Variants in RIN2 observed in about 807,000 individuals in gnomAD.
The protein encoded by RIN2 is Ras and Rab interactor 2.
A neutral mutation model predicts 78.0 loss-of-function variants in RIN2; 36 were observed. The ratio of observed to expected loss-of-function variants is 0.46; its 90% CI spans 0.35 to 0.61. RIN2 has a LOEUF of 0.61. RIN2 is among the 20% of genes least tolerant of loss of function. The pLI, the probability that RIN2 is intolerant of heterozygous loss-of-function variation, is 0.00. For missense variants in RIN2, 1,087 were observed against 1,159.7 expected (o/e 0.94, Z 0.91); for synonymous variants, 466 against 466.8 (o/e 1.00, Z 0.02).
intron 8 of RIN2, among the ~76,000 whole-genome samples, chr20:19,973,288 T>G (rs1000810054): frequency 1.3e-5 from 2 of 152,194 alleles, no homozygotes; most frequent in Non-Finnish European, 2.9e-5. Flanking sequence ...CACCTGTGGC[T>G]GTTGGCTTTC....
At chr20:19,764,943 T>TTTTTTTTTTTTTCA (rs10686760) in intron 1 of RIN2, among the ~76,000 whole-genome samples, 1 of 132,704 alleles carries the variant, frequency 7.5e-6, no homozygotes. Context: ...TTTTTTTTTT[T>TTTTTTTTTTTTTCA]GACAGAGTCT....
chr20:19,912,880 G>A (rs2039535258), intron 3 of RIN2, among the ~76,000 whole-genome samples: 1 of 152,222 alleles, frequency 6.6e-6, no homozygotes, highest in Non-Finnish European at 1.5e-5. Context: ...CCGGGGTGTG[G>A]GAAAGGCACA....
intron 2 of RIN2, among the ~76,000 whole-genome samples, chr20:19,883,179 C>T (rs1254617972): frequency 6.6e-6 from 1 of 152,072 alleles, no homozygotes; most frequent in Admixed American, 6.5e-5. Flanking sequence ...CCTGGGCCAC[C>T]GGTGCAGGAG....
At chr20:19,886,616 T>TC in intron 2 of RIN2, 1 of 610,192 alleles carries the variant, frequency 1.6e-6, no homozygotes, top group South Asian at 2.5e-5. Context: ...CTTCTTCTTT[T>TC]TTTTTTTTTT....
At chr20:19,931,849 C>A (rs12106227) in intron 3 of RIN2, among the ~76,000 whole-genome samples, 12,128 of 151,954 alleles carry the variant, frequency 0.08, 754 homozygotes, top group African/African-American at 0.17. Flanking sequence ...CCATTCTCCT[C>A]TTAATGAACC....
chr20:19,906,712 T>C (rs1037227501), intron 3 of RIN2, among the ~76,000 whole-genome samples: 2 of 152,208 alleles, frequency 1.3e-5, no homozygotes, highest in African/African-American at 4.8e-5. Context: ...GCTGGAAACC[T>C]GAATTTTTTT....
intron 2 of RIN2, among the ~76,000 whole-genome samples, chr20:19,853,600 T>C (rs1430460434): frequency 6.6e-6 from 1 of 151,742 alleles, no homozygotes; most frequent in East Asian, 1.9e-4. Flanking sequence ...TGGTATCTCA[T>C]TGTGGTTTTG....
chr20:19,977,318 G>A (rs1020819014), intron 9 of RIN2, among the ~76,000 whole-genome samples: 7 of 152,106 alleles, frequency 4.6e-5, no homozygotes, highest in Non-Finnish European at 7.4e-5. Context: ...AGTTAGTCCC[G>A]GGAAGCTCTT....
Position 19,881,713 on chromosome 20 carries a change from G to A in RIN2, c.-36-7853G>A, listed in dbSNP as rs116615033. ...CTCTTTAGCCTCCTGAGTAGCAGCTGGAATTACAGGCATGCACCACCACAC... is the reference window on the plus strand; with the variant it reads ...CTCTTTAGCCTCCTGAGTAGCAGCTAGAATTACAGGCATGCACCACCACAC... On this transcript the variant is annotated intron_variant, in intron 2 of 12. Coordinates refer to ENST00000255006, the MANE Select transcript of RIN2 (RefSeq NM_018993.4). Among the ~76,000 whole-genome samples the A allele has an allele frequency of 3.3e-3, 502 of 152,206 alleles. 3 individuals carry two copies. Among genetic ancestry groups the A allele is most frequent in the African/African-American group, 0.011 (453 of 41,534 alleles).
intron 1 of RIN2, among the ~76,000 whole-genome samples, chr20:19,770,879 C>T (rs965988517): frequency 7.1e-6 from 1 of 140,460 alleles, no homozygotes; most frequent in South Asian, 2.6e-4. Context: ...CCCCACCCCC[C>T]CCCCCCACCT....
At chr20:19,930,678 T>A (rs1466761810) in intron 3 of RIN2, among the ~76,000 whole-genome samples, 1 of 152,126 alleles carries the variant, frequency 6.6e-6, no homozygotes, top group African/African-American at 2.4e-5. Flanking sequence ...GTGGCTCTCC[T>A]GTTTGGGGCC....
chr20:19,965,046 T>C, intron 7 of RIN2, 22 bp downstream of exon 7: 2 of 1,590,790 alleles, frequency 1.3e-6, no homozygotes, highest in African/African-American at 1.3e-5. Flanking sequence ...TCCTCTCATA[T>C]GGTTTCAAGG....
chr20:19,810,978 T>C (rs969814974), intron 2 of RIN2, among the ~76,000 whole-genome samples: 1 of 151,784 alleles, frequency 6.6e-6, no homozygotes, highest in African/African-American at 2.4e-5. Flanking sequence ...CCCAAAGTGC[T>C]GGGATTACAG....
At chr20:19,805,750 G>A (rs1704289354) in intron 2 of RIN2, among the ~76,000 whole-genome samples, 1 of 151,936 alleles carries the variant, frequency 6.6e-6, no homozygotes, top group African/African-American at 2.4e-5. Flanking sequence ...TTAAGTTCTG[G>A]GGTACATGTG....
At chr20:19,869,856 G>A (rs999815228) in intron 2 of RIN2, among the ~76,000 whole-genome samples, 16 of 151,268 alleles carry the variant, frequency 1.1e-4, no homozygotes, top group Admixed American at 2.0e-4. Context: ...GGTTCGCTAT[G>A]TTGCCCAGAT....
At chr20:19,987,443 T>A (rs1027398545) in intron 9 of RIN2, among the ~76,000 whole-genome samples, 16 of 152,200 alleles carry the variant, frequency 1.1e-4, no homozygotes, top group African/African-American at 3.9e-4. Context: ...ATTAAAAGAT[T>A]ATTTACTTTG....
intron 2 of RIN2, chr20:19,823,720 G>C: frequency 6.3e-7 from 1 of 1,589,048 alleles, no homozygotes. Flanking sequence ...AGAGGCAGAA[G>C]GCACCACCTC....
intron 4 of RIN2, among the ~76,000 whole-genome samples, chr20:19,955,885 A>G (rs1169765550): frequency 6.6e-6 from 1 of 152,162 alleles, no homozygotes; most frequent in Non-Finnish European, 1.5e-5. Flanking sequence ...TGCTTATGAG[A>G]AATGCTACTG....
rs114046573 is a variant in RIN2 at position 19,857,640 on chromosome 20, A to C, written c.-36-31926A>C. Among the ~76,000 whole-genome samples the C allele has an allele frequency of 6.6e-3, 1,001 of 152,256 alleles. 17 individuals carry two copies. The highest frequency in any genetic ancestry group is 0.022 in the African/African-American group (926 of 41,548). ...TAACACTTGGTATGATCAGTCTTTT[A>C]AATTTTACTTATTCCAGAGGGTGCA... On this transcript the variant is annotated intron_variant, in intron 2 of 12. Transcript: ENST00000255006.
Sources: allele counts gnomAD v4.1 joint callset (sites outside exome capture counted in the v4.1 genomes callset), GRCh38; gene constraint gnomAD v4.1.1; transcripts MANE v1.5; gene names NCBI Gene and HGNC (gene_info 2026-07-23, HGNC 2026-07-21).